BCAM: variants seen among roughly 807,000 people sequenced by gnomAD.
BCAM encodes the protein basal cell adhesion molecule.
BCAM carries 61 observed loss-of-function variants against 72.4 expected under a neutral mutation model. The observed-to-expected ratio is 0.84, with a 90% confidence interval of 0.69 to 1.04. The LOEUF is 1.04. BCAM is among the 50% of genes least tolerant of loss of function. The probability of loss-of-function intolerance (pLI) is 0.00; values close to 1 mark genes in which losing one functional copy is unlikely to be tolerated. For synonymous variants in BCAM, 408 were observed against 384.2 expected (o/e 1.06, Z -0.73); for missense variants, 909 against 895.0 (o/e 1.02, Z -0.20).
rs1462106330 is a variant in BCAM at position 44,812,710 on chromosome 19, G to A, written c.504+162G>A. On this transcript the variant is annotated intron_variant, in intron 4 of 14. Transcript: ENST00000270233. The surrounding 1 kb of genome is among the most constrained non-coding windows in gnomAD (Gnocchi z 5.3). ...CATGCCTGTAATCCCAGCATTTTGG[G>A]AGGCAGAGGCAGGCGGATCACCTGA... The A allele has an allele frequency of 1.3e-6, 1 of 761,870 alleles. No individual in the cohort carries two copies. The highest frequency in any genetic ancestry group is 1.8e-5 in the African/African-American group (1 of 56,682). 47.2% of individuals were successfully genotyped at this position (761,870 alleles called of 1,614,324 possible). A position where few individuals can be genotyped will look rare whatever the true frequency, so the allele number is the denominator to read the frequency against.
chr19:44,813,585 G>T lies in BCAM; in HGVS notation c.749G>T (p.Arg250Leu), dbSNP rs777424090. The change falls in exon 6 of 15, where the codon CGC (arginine) becomes CTC (leucine). Residue 250 changes from arginine to leucine, a missense_variant. By Grantham distance (102) the Arg-to-Leu change is moderately radical. Transcript: ENST00000270233. The surrounding 1 kb of genome is among the most constrained non-coding windows in gnomAD (Gnocchi z 4.2). Reference sequence around the variant, plus strand: ...AGCCTGCCCGAGGGCCGCCACGGCCGCCTGGACAGCCCCACCTTCCACCTC... The same window carrying T: ...AGCCTGCCCGAGGGCCGCCACGGCCTCCTGGACAGCCCCACCTTCCACCTC... Reference protein sequence around the residue: ...HYSLPEGRHGRLDSPTFHLTL... With the variant: ...HYSLPEGRHGLLDSPTFHLTL... 1.9e-6 allele frequency: 3 copies of T among 1,612,276 alleles called. No individual in the cohort carries two copies. Among genetic ancestry groups the T allele is most frequent in the Admixed American group, 1.7e-5 (1 of 59,976 alleles).
intron 2 of BCAM, 36 bp downstream of exon 2, chr19:44,811,382 C>A: frequency 6.2e-7 from 1 of 1,611,010 alleles, no homozygotes; most frequent in South Asian, 1.1e-5. Flanking sequence ...GGAGTCAGGG[C>A]ACAGCAGGGC....
chr19:44,815,431 A>T (rs1027270174), intron 8 of BCAM, among the ~76,000 whole-genome samples: 1 of 152,086 alleles, frequency 6.6e-6, no homozygotes, highest in Non-Finnish European at 1.5e-5. Context: ...AACAAGACAG[A>T]CCACCCCTGT....
chr19:44,817,253 G>T lies in BCAM; in HGVS notation c.1079-1269G>T, dbSNP rs150310487. Among the ~76,000 whole-genome samples, 1,521 of 152,194 alleles carry T rather than the reference G, an allele frequency of 1.0e-2. 21 individuals carry two copies. The highest frequency in any genetic ancestry group is 0.035 in the African/African-American group (1,434 of 41,506). ...CTCTCTCAAAAAAAAATAATAAGAAGAAGAAATGCAGAGAGCTACAAAAAG... is the reference window on the plus strand; with the variant it reads ...CTCTCTCAAAAAAAAATAATAAGAATAAGAAATGCAGAGAGCTACAAAAAG... On this transcript the variant is annotated intron_variant, in intron 8 of 14. Coordinates refer to ENST00000270233, the MANE Select transcript of BCAM (RefSeq NM_005581.5).
intron 13 of BCAM, 21 bp from the exon 14 acceptor site, chr19:44,820,684 C>A: frequency 7.1e-7 from 1 of 1,401,790 alleles, no homozygotes. Flanking sequence ...GACGCCTCCG[C>A]CCGCTGCCTC....
At position 44,818,548 on chromosome 19, in the gene BCAM, G is replaced by A; in HGVS notation, c.1105G>A (p.Gly369Arg). The A allele has an allele frequency of 1.9e-6, 3 of 1,614,022 alleles. No homozygotes were observed. Among genetic ancestry groups the A allele is most frequent in the Middle Eastern group, 1.7e-4 (1 of 6,036 alleles). The change falls in exon 9 of 15, where the codon GGG (glycine) becomes AGG (arginine). Residue 369 changes from glycine to arginine, a missense_variant. Physicochemically the swap from Gly to Arg is moderately radical, Grantham distance 125. Coordinates refer to ENST00000270233, the MANE Select transcript of BCAM (RefSeq NM_005581.5). This position sits in a 1 kb window ranked among gnomAD's most constrained non-coding sequence, Gnocchi z 4.6. ...TCTGGACCCCCTGGAGCTCAGCGAGGGGAAGGTGCTTTCCTTACCTCTAAA... is the reference window on the plus strand; with the variant it reads ...TCTGGACCCCCTGGAGCTCAGCGAGAGGAAGGTGCTTTCCTTACCTCTAAA... ...AYLDPLELSE[G>R]KVLSLPLNSS...
Position 44,812,668 on chromosome 19 carries a change from G to A in BCAM, c.504+120G>A. 1 of 1,184,692 alleles carries A rather than the reference G, an allele frequency of 8.4e-7. No individual in the cohort carries two copies. The allele number at this position is 1,184,692 out of a possible 1,614,324, so 73.4% of individuals were successfully genotyped here. ...CTGGGTAATAAAGGAGGAGGGGTAA[G>A]GCCAGGCGAGGTGGCTCATGCCTGT... is the stretch of plus-strand genomic sequence containing the variant. On this transcript the variant is annotated intron_variant, in intron 4 of 14. Transcript: ENST00000270233. This position sits in a 1 kb window ranked among gnomAD's most constrained non-coding sequence, Gnocchi z 5.3.
Position 44,820,901 on chromosome 19 carries a change from C to A in BCAM, c.1882-15C>A. 6.4e-7 allele frequency: 1 copy of A among 1,560,388 alleles called. No individual in the cohort carries two copies. Among genetic ancestry groups the A allele is most frequent in the South Asian group, 1.2e-5 (1 of 84,404 alleles). The stretch of plus-strand genomic sequence containing the variant: ...CGCCCGTGGGCACAGGCTGACCTCT[C>A]CATCCGCTCCCCAGTGCTGAGCCAA... On this transcript the variant is annotated splice_polypyrimidine_tract_variant and intron_variant, in intron 14 of 14. Transcript: ENST00000270233.
rs781236425 is a variant in BCAM, at chr19:44,820,903, A to T, written c.1882-13A>T. 443 of 1,560,452 alleles carry T rather than the reference A, an allele frequency of 2.8e-4. 1 individual carries two copies. The highest frequency in any genetic ancestry group is 3.7e-4 in the Non-Finnish European group (428 of 1,153,220). On this transcript the variant is annotated splice_polypyrimidine_tract_variant and intron_variant, in intron 14 of 14. Transcript: ENST00000270233. ...CCCGTGGGCACAGGCTGACCTCTCC[A>T]TCCGCTCCCCAGTGCTGAGCCAAGA... is the stretch of plus-strand genomic sequence containing the variant.
At chr19:44,819,283 C>G in intron 11 of BCAM, 63 bp from the exon 12 acceptor site, 1 of 1,610,516 alleles carries the variant, frequency 6.2e-7, no homozygotes, top group Non-Finnish European at 8.5e-7. Flanking sequence ...GGACGTCGTT[C>G]ACCTCTGCCC....
rs748454641 is a variant in BCAM, at chr19:44,818,579, G to C, written c.1136G>C (p.Ser379Thr). 8 of 1,614,058 alleles carry C rather than the reference G, an allele frequency of 5.0e-6. No homozygotes were observed. The highest frequency in any genetic ancestry group is 1.7e-4 in the Middle Eastern group (1 of 6,056). Residue 379 changes from serine to threonine, a missense_variant, in exon 9 of 15, where the codon AGT becomes ACT. Ser to Thr is a moderately conservative substitution (Grantham distance 58). Coordinates refer to ENST00000270233, the MANE Select transcript of BCAM (RefSeq NM_005581.5). This position sits in a 1 kb window ranked among gnomAD's most constrained non-coding sequence, Gnocchi z 4.6. ...GTGCTTTCCTTACCTCTAAACAGCA[G>C]TGCAGTCGTGAACTGCTCCGTGCAC... ...GKVLSLPLNS[S>T]AVVNCSVHGL...
Position 44,819,137 on chromosome 19 carries a change from G to T in BCAM, c.1418G>T (p.Cys473Phe). 6.2e-7 allele frequency: 1 copy of T among 1,614,102 alleles called. No homozygotes were observed. The highest frequency in any genetic ancestry group is 8.5e-7 in the Non-Finnish European group (1 of 1,179,986). Residue 473 changes from cysteine to phenylalanine, a missense_variant, in exon 11 of 15, where the codon TGC becomes TTC. Transcript: ENST00000270233. ...WREGDEVTLI[C>F]SARGHPDPKL... ...GAAGGAGACGAAGTCACACTCATCT[G>T]CTCTGCCCGCGGCCATCCAGACCCC...
intron 13 of BCAM, chr19:44,820,249 A>G (rs1968566673): frequency 1.0e-6 from 1 of 995,906 alleles, no homozygotes. Context: ...CCTATCTCTC[A>G]CCATCCAGCC....
In BCAM at chr19:44,813,610, C is replaced by T. The variant is rs1361223871; in HGVS notation, c.774C>T (p.Leu258=). The T allele has an allele frequency of 6.2e-7, 1 of 1,612,094 alleles. No individual in the cohort carries two copies. Among genetic ancestry groups the T allele is most frequent in the Admixed American group, 1.7e-5 (1 of 59,992 alleles). The change falls in exon 6 of 15, where the codon CTC becomes CTT. Residue 258 remains leucine, a synonymous_variant. Transcript: ENST00000270233. This position sits in a 1 kb window ranked among gnomAD's most constrained non-coding sequence, Gnocchi z 4.2. ...HGRLDSPTFH[L]TLHYPTEHVQ... The stretch of plus-strand genomic sequence containing the variant: ...GCCTGGACAGCCCCACCTTCCACCT[C>T]ACCCTGCACTGTGAGTCTGTGCTGG...
At chr19:44,819,321 C>A in intron 11 of BCAM, 25 bp from the exon 12 acceptor site, 1 of 1,613,914 alleles carries the variant, frequency 6.2e-7, no homozygotes, top group Non-Finnish European at 8.5e-7. Flanking sequence ...CCCCACCAGC[C>A]GGGGCCTGAT....
chr19:44,810,293 T>A (rs1968399844), intron 1 of BCAM, among the ~76,000 whole-genome samples: 1 of 152,120 alleles, frequency 6.6e-6, no homozygotes, highest in African/African-American at 2.4e-5. Flanking sequence ...AACCTTATCC[T>A]TTTGCAAGAT....
At chr19:44,817,295 T>C (rs1473295366) in intron 8 of BCAM, among the ~76,000 whole-genome samples, 8 of 151,378 alleles carry the variant, frequency 5.3e-5, no homozygotes, top group Admixed American at 5.3e-4. Context: ...GCAAGTAGAG[T>C]GAGCAAGTGC....
Position 44,812,021 on chromosome 19 carries a change from G to A in BCAM, c.205-142G>A. The A allele has an allele frequency of 1.3e-6, 1 of 764,992 alleles. No individual in the cohort carries two copies. Among genetic ancestry groups the A allele is most frequent in the Non-Finnish European group, 2.1e-6 (1 of 471,416 alleles). 47.4% of individuals were successfully genotyped at this position (764,992 alleles called of 1,614,324 possible). ...ATAGGGAATGGGGGCAGGAGAAGGT[G>A]GGGAGGGACAGAGGGACCAGGGAGA... On this transcript the variant is annotated intron_variant, in intron 2 of 14. Coordinates refer to ENST00000270233, the MANE Select transcript of BCAM (RefSeq NM_005581.5). The surrounding 1 kb of genome is among the most constrained non-coding windows in gnomAD (Gnocchi z 5.3).
At position 44,818,001 on chromosome 19, in the gene BCAM, A is replaced by G. The variant is rs1157959877; in HGVS notation, c.1079-521A>G. Among the ~76,000 whole-genome samples, 1 of 152,196 alleles carries G rather than the reference A, an allele frequency of 6.6e-6. No homozygotes were observed. Among genetic ancestry groups the G allele is most frequent in the East Asian group, 1.9e-4 (1 of 5,190 alleles). ...TGTCCTGGGAGCAGACCAGATAAAG[A>G]CTTGCTGAGGCCAGGAGCAGGGGCT... On this transcript the variant is annotated intron_variant, in intron 8 of 14. Transcript: ENST00000270233. The surrounding 1 kb of genome is among the most constrained non-coding windows in gnomAD (Gnocchi z 4.6).
Sources: allele counts gnomAD v4.1 joint callset (sites outside exome capture counted in the v4.1 genomes callset), GRCh38; gene constraint gnomAD v4.1.1; non-coding constraint Gnocchi (gnomAD v3.1); transcripts MANE v1.5; gene names NCBI Gene and HGNC (gene_info 2026-07-23, HGNC 2026-07-21).